The following APC2 variants were observed in gnomAD, a reference collection of about 807,000 sequenced individuals.
APC2 encodes the protein APC regulator of Wnt signaling pathway 2.
Under a neutral mutation model 72.5 loss-of-function variants are expected in APC2, and 41 were observed. The observed-to-expected ratio is 0.57, with a 90% CI of 0.44 to 0.73. The LOEUF (loss-of-function observed/expected upper bound fraction) is 0.73, where lower values mean the gene tolerates loss of function less well. Ranked by LOEUF, APC2 falls within the 30% of genes least tolerant of loss-of-function variation. The pLI, the probability that APC2 is intolerant of heterozygous loss-of-function variation, is 0.00. For synonymous variants in APC2, 1,898 were observed against 1,612.0 expected (o/e 1.18, Z -4.25); for missense variants, 3,729 against 3,403.4 (o/e 1.10, Z -2.38).
rs977412777 is a variant in APC2, at chr19:1,450,193, G to A, written c.-164G>A. Reference sequence around the variant, plus strand: ...CCCGGACCGGGCTTTGTCCGCCCCGGAGCCCCTGCCCGCGCCGCGGAGACC... The same window carrying A: ...CCCGGACCGGGCTTTGTCCGCCCCGAAGCCCCTGCCCGCGCCGCGGAGACC... On this transcript the variant is annotated 5_prime_UTR_variant, in exon 1 of 15. Coordinates refer to ENST00000590469, the MANE Select transcript of APC2 (RefSeq NM_005883.3). 2 of 985,114 alleles carry A rather than the reference G, an allele frequency of 2.0e-6. No homozygotes were observed. The highest frequency in any genetic ancestry group is 3.5e-5 in the African/African-American group (2 of 57,174). The allele number at this position is 985,114 out of a possible 1,614,324, so 61.0% of individuals were successfully genotyped here. A position where few individuals can be genotyped will look rare whatever the true frequency, so the allele number is the denominator to read the frequency against.
At position 1,465,560 on chromosome 19, in the gene APC2, C is replaced by A; in HGVS notation, c.2259C>A (p.Ala753=). 6.5e-7 allele frequency: 1 copy of A among 1,547,848 alleles called. No individual in the cohort carries two copies. ...EKQGPPAAEA[A]TKKPLPPLRH... Reference sequence around the variant, plus strand: ...AGGGCCCGCCGGCAGCCGAGGCCGCCACTAAGAAGCCGCTGCCGCCCCTGC... The same window carrying A: ...AGGGCCCGCCGGCAGCCGAGGCCGCAACTAAGAAGCCGCTGCCGCCCCTGC... The change falls in exon 15 of 15, where the codon GCC becomes GCA. Residue 753 remains alanine, a synonymous_variant. Transcript: ENST00000590469.
upstream of APC2, among the ~76,000 whole-genome samples, chr19:1,447,662 T>TG (rs571951294): frequency 4.6e-3 from 584 of 127,436 alleles, 4 homozygotes; most frequent in African/African-American, 0.014. Context: ...TTTTAGTGTG[T>TG]GGGGGGGGAT....
Position 1,470,869 on chromosome 19 carries a change from G to A in APC2, c.*656G>A, listed in dbSNP as rs906991255. The A allele has an allele frequency of 6.6e-6, 1 of 152,156 alleles. No individual in the cohort carries two copies. The highest frequency in any genetic ancestry group is 1.5e-5 in the Non-Finnish European group (1 of 68,014). The allele number at this position is 152,156 out of a possible 1,614,324, so 9.4% of individuals were successfully genotyped here. Reference sequence around the variant, plus strand: ...AACCCGGAGCCCAAGCGCTCCGGCGGAGCCCAAAAGGGTGGGGGTGGGAGG... The same window carrying A: ...AACCCGGAGCCCAAGCGCTCCGGCGAAGCCCAAAAGGGTGGGGGTGGGAGG... On this transcript the variant is annotated 3_prime_UTR_variant, in exon 15 of 15. Transcript: ENST00000590469.
rs768901040 is a variant in APC2, at chr19:1,469,994, C to G, written c.6693C>G (p.Asp2231Glu). The G allele has an allele frequency of 9.1e-6, 14 of 1,533,062 alleles. No homozygotes were observed. Among genetic ancestry groups the G allele is most frequent in the Middle Eastern group, 3.4e-4 (2 of 5,894 alleles). 95.0% of individuals were successfully genotyped at this position (1,533,062 alleles called of 1,614,324 possible). Residue 2231 changes from aspartate to glutamate, a missense_variant, in exon 15 of 15, where the codon GAC (aspartate) becomes GAG (glutamate). Physicochemically the swap from Asp to Glu is conservative, Grantham distance 45. Transcript: ENST00000590469. ...TCTCCCTCCTCGGCAGCGACGTGGA[C>G]GGTCCCAGCCTCGCCAAGGCTCCCA... ...GQLSLLGSDV[D>E]GPSLAKAPIS...
Position 1,467,435 on chromosome 19 carries a change from CGCCCCG to C in APC2, c.4145_4150del (p.Pro1382_Ala1383del), listed in dbSNP as rs779635546. On this transcript the variant is annotated inframe_deletion, in exon 15 of 15. Transcript: ENST00000590469. ...CCGTGCCCGTCTACATGTTGGTGCC[CGCCCCG>C]GCCCCGGCCCAGGAGGACGACTCCT... 8.2e-5 allele frequency: 122 copies of C among 1,481,068 alleles called. No homozygotes were observed. Among genetic ancestry groups the C allele is most frequent in the Middle Eastern group, 8.2e-4 (4 of 4,862 alleles). 91.7% of individuals were successfully genotyped at this position (1,481,068 alleles called of 1,614,324 possible). A position where few individuals can be genotyped will look rare whatever the true frequency, so the allele number is the denominator to read the frequency against.
chr19:1,455,872 G>A (rs2083814978), intron 6 of APC2, among the ~76,000 whole-genome samples: 1 of 152,186 alleles, frequency 6.6e-6, no homozygotes, highest in Non-Finnish European at 1.5e-5. Context: ...TTAGACAGTG[G>A]GTGGGGTCAT....
At position 1,467,957 on chromosome 19, in the gene APC2, CA is replaced by C; in HGVS notation, c.4658del (p.Lys1553ArgfsTer27). On this transcript the variant is annotated frameshift_variant, in exon 15 of 15. Transcript: ENST00000590469. LOFTEE classifies it low-confidence loss of function (END_TRUNC). ...QGRKEAPAPS[K>X]AAPAAPPPAR... ...GCCGGAAGGAGGCCCCTGCCCCGTC[CA>C]AGGCTGCACCAGCTGCCCCGCCGCC... The C allele has an allele frequency of 6.3e-7, 1 of 1,582,356 alleles. No individual in the cohort carries two copies. The highest frequency in any genetic ancestry group is 1.1e-5 in the South Asian group (1 of 89,312).
chr19:1,457,079 A>G lies in APC2; in HGVS notation c.1043A>G (p.Asn348Ser), dbSNP rs2083843023. The change falls in exon 9 of 15, where the codon AAC (asparagine) becomes AGC (serine). Residue 348 changes from asparagine (N) to serine (S), a missense_variant. By Grantham distance (46) the Asn-to-Ser change is conservative (BLOSUM62 1). Coordinates refer to ENST00000590469, the MANE Select transcript of APC2 (RefSeq NM_005883.3). ...PGAKDARMRA[N>S]AALHNIVFSQ... ...GCCAAGGACGCACGCATGCGCGCCA[A>G]CGCGGCGCTGCACAACATCGTCTTC... The G allele has an allele frequency of 1.9e-6, 3 of 1,560,572 alleles. No individual in the cohort carries two copies. Among genetic ancestry groups the G allele is most frequent in the African/African-American group, 2.8e-5 (2 of 72,562 alleles).
chr19:1,455,015 G>C (rs2083798987), intron 4 of APC2, 134 bp from the exon 5 acceptor site: 2 of 378,070 alleles, frequency 5.3e-6, no homozygotes, highest in South Asian at 7.4e-5. Context: ...AGCTCGGGGA[G>C]TGCCACGGGA....
intron 9 of APC2, chr19:1,457,587 C>G (rs776490402): frequency 2.0e-6 from 1 of 505,104 alleles, no homozygotes; most frequent in Non-Finnish European, 3.5e-6. Context: ...GATCCCAGCA[C>G]TTTGGAAGGC....
chr19:1,449,480 A>G (rs1429035421), upstream of APC2, among the ~76,000 whole-genome samples: 1 of 152,172 alleles, frequency 6.6e-6, no homozygotes, highest in Non-Finnish European at 1.5e-5. Flanking sequence ...ACACATGGAG[A>G]CAGAGATTGA....
In APC2 at chr19:1,467,011, T is replaced by G. The variant is rs1462619026; in HGVS notation, c.3710T>G (p.Val1237Gly). The change falls in exon 15 of 15, where the codon GTG (valine) becomes GGG (glycine). Residue 1237 changes from valine (V) to glycine (G), a missense_variant. Coordinates refer to ENST00000590469, the MANE Select transcript of APC2 (RefSeq NM_005883.3). ...TTCAGCCTGCAGTGGGAGAGCTACG[T>G]GAAGCGCTTCCTGGACATCGCCGAC... ...TQFSLQWESY[V>G]KRFLDIADCR... The G allele has an allele frequency of 6.2e-7, 1 of 1,610,414 alleles. No individual in the cohort carries two copies.
chr19:1,453,394 A>G (rs1166697392), intron 3 of APC2, 37 bp from the exon 4 acceptor site: 2 of 1,610,094 alleles, frequency 1.2e-6, no homozygotes, highest in Non-Finnish European at 1.7e-6. Flanking sequence ...AAAGGCAGGC[A>G]GGGCCGCTGA....
chr19:1,453,565 C>T lies in APC2; in HGVS notation c.367C>T (p.Leu123=). The T allele has an allele frequency of 6.2e-7, 1 of 1,610,604 alleles. No homozygotes were observed. Among genetic ancestry groups the T allele is most frequent in the Non-Finnish European group, 8.5e-7 (1 of 1,179,116 alleles). The change falls in exon 4 of 15, where the codon CTG becomes TTG. Residue 123 remains leucine (L), a synonymous_variant. Coordinates refer to ENST00000590469, the MANE Select transcript of APC2 (RefSeq NM_005883.3). Reference sequence around the variant, plus strand: ...GCCCTCCAAGGACAGCTTTGGGGAGCTGAGCCGGGCCACCATCCGGCTGCT... The same window carrying T: ...GCCCTCCAAGGACAGCTTTGGGGAGTTGAGCCGGGCCACCATCCGGCTGCT... The part of the protein sequence containing the change: ...SGPSKDSFGE[L]SRATIRLLEE...
intron 11 of APC2, 146 bp from the exon 12 acceptor site, chr19:1,460,634 G>C: frequency 1.1e-6 from 1 of 948,472 alleles, no homozygotes; most frequent in East Asian, 2.7e-5. Flanking sequence ...TTCCCGACCT[G>C]AGCATGGGGT....
At chr19:1,460,343 C>T (rs778588243) in intron 11 of APC2, 23 bp downstream of exon 11, 4 of 1,612,784 alleles carry the variant, frequency 2.5e-6, no homozygotes, top group Non-Finnish European at 3.4e-6. Context: ...AGTGGGTGGG[C>T]TGGCACTTTC....
chr19:1,450,253 G>C lies in APC2; in HGVS notation c.-104G>C, dbSNP rs1036639653. 2.0e-6 allele frequency: 2 copies of C among 985,430 alleles called. No homozygotes were observed. The highest frequency in any genetic ancestry group is 2.4e-6 in the Non-Finnish European group (2 of 829,942). The allele number at this position is 985,430 out of a possible 1,614,324, so 61.0% of individuals were successfully genotyped here. On this transcript the variant is annotated 5_prime_UTR_variant, in exon 1 of 15. Transcript: ENST00000590469. ...GCGCGCTCCGAGGCCACCCCGGGCC[G>C]GGATTTCCGGTGGGGCCCGCGGAGC...
In APC2 at chr19:1,467,824, GCTT is replaced by G. The variant is rs1335700898; in HGVS notation, c.4526_4528del (p.Phe1509del). 1 of 1,516,720 alleles carries G rather than the reference GCTT, an allele frequency of 6.6e-7. No homozygotes were observed. Among genetic ancestry groups the G allele is most frequent in the Non-Finnish European group, 8.8e-7 (1 of 1,139,680 alleles). The allele number at this position is 1,516,720 out of a possible 1,614,324, so 94.0% of individuals were successfully genotyped here. On this transcript the variant is annotated inframe_deletion, in exon 15 of 15. Coordinates refer to ENST00000590469, the MANE Select transcript of APC2 (RefSeq NM_005883.3). ...ACGCCCACTGAGGAGGCCGTGTACT[GCTT>G]CTACGGCAACGACTCGGACGAGGAG...
chr19:1,448,588 GT>G (rs2083708052), upstream of APC2, among the ~76,000 whole-genome samples: 1 of 147,046 alleles, frequency 6.8e-6, no homozygotes, highest in Admixed American at 6.9e-5. Flanking sequence ...GTTCACGCCT[GT>G]AATCCCAGCA....
Sources: gnomAD v4.1 joint callset for allele counts (sites outside exome capture counted in the v4.1 genomes callset) on GRCh38, gnomAD v4.1.1 for gene constraint, MANE v1.5 for transcripts, NCBI Gene and HGNC (gene_info 2026-07-23, HGNC 2026-07-21) for gene names.